PLS1: variants seen among roughly 807,000 people sequenced by gnomAD.
PLS1 encodes plastin 1.
A neutral mutation model predicts 73.7 loss-of-function variants in PLS1; 32 were observed. The observed-to-expected ratio is 0.43, with a 90% confidence interval of 0.33 to 0.58. PLS1 has a LOEUF of 0.58. PLS1 is among the 20% of genes least tolerant of loss of function. The pLI is 0.04. For synonymous variants in PLS1, 217 were observed against 261.3 expected, an observed-to-expected ratio of 0.83 and a Z score of 1.63; for missense variants, 633 against 740.5, an observed-to-expected ratio of 0.85 and a Z score of 1.68.
chr3:142,614,582 C>T (rs1288983381), intron 1 of PLS1, among the ~76,000 whole-genome samples: 1 of 152,130 alleles, frequency 6.6e-6, no homozygotes, highest in Non-Finnish European at 1.5e-5. Flanking sequence ...TATATATTTG[C>T]TCCAAAATTA....
intron 12 of PLS1, among the ~76,000 whole-genome samples, chr3:142,700,516 G>A (rs2038308546): frequency 6.6e-6 from 1 of 152,024 alleles, no homozygotes; most frequent in Non-Finnish European, 1.5e-5. Context: ...GTACAGACGG[G>A]GTTTCACCGT....
intron 14 of PLS1, among the ~76,000 whole-genome samples, chr3:142,709,681 G>C (rs1933022332): frequency 6.6e-6 from 1 of 152,010 alleles, no homozygotes; most frequent in Non-Finnish European, 1.5e-5. Context: ...GCCGGGTGTG[G>C]TGGCCGGCGC....
At chr3:142,600,026 G>T (rs921224148) in intron 1 of PLS1, among the ~76,000 whole-genome samples, 2 of 152,216 alleles carry the variant, frequency 1.3e-5, no homozygotes, top group Middle Eastern at 3.4e-3. Context: ...AGGATTACAG[G>T]CCTGAGCCAC....
intron 1 of PLS1, among the ~76,000 whole-genome samples, chr3:142,603,738 T>G (rs1326945554): frequency 6.6e-6 from 1 of 150,918 alleles, no homozygotes; most frequent in Non-Finnish European, 1.5e-5. Context: ...CCACTGCACT[T>G]TAGCCTGGGT....
At chr3:142,630,436 AAAAAC>A (rs1486460007) in intron 1 of PLS1, among the ~76,000 whole-genome samples, 2 of 150,386 alleles carry the variant, frequency 1.3e-5, no homozygotes, top group Admixed American at 6.6e-5. Context: ...AAAAAAAAAA[AAAAAC>A]AAACAAAACA....
rs117289503 is a variant in PLS1, at chr3:142,707,638, A to G, written c.1629+3052A>G. Reference sequence around the variant, plus strand: ...CCCTGGGTTGACTTTTGGCTGAGCTACTGATTAGCTGTGTAGCATACTGCT... The same window carrying G: ...CCCTGGGTTGACTTTTGGCTGAGCTGCTGATTAGCTGTGTAGCATACTGCT... On this transcript the variant is annotated intron_variant, in intron 14 of 15. Coordinates refer to ENST00000457734, the MANE Select transcript of PLS1 (RefSeq NM_001145319.2). Among the ~76,000 whole-genome samples the G allele has an allele frequency of 1.2e-3, 184 of 152,336 alleles. 4 individuals carry two copies. In the South Asian group the frequency reaches 0.026, roughly 21 times the overall value.
At chr3:142,696,363 T>G (rs2038202397) in intron 11 of PLS1, among the ~76,000 whole-genome samples, 1 of 152,198 alleles carries the variant, frequency 6.6e-6, no homozygotes, top group Non-Finnish European at 1.5e-5. Context: ...ATAGTATTTT[T>G]TCTTGCAAAA....
chr3:142,660,538 G>A (rs963227199), intron 1 of PLS1, among the ~76,000 whole-genome samples: 1 of 152,222 alleles, frequency 6.6e-6, no homozygotes, highest in South Asian at 2.1e-4. Flanking sequence ...GTAATCGTAT[G>A]GCTGAACGTG....
Position 142,678,133 on chromosome 3 carries a change from T to G in PLS1, c.579+20T>G, listed in dbSNP as rs944998531. 3.2e-6 allele frequency: 4 copies of G among 1,238,378 alleles called. No individual in the cohort carries two copies. In the African/African-American group the frequency reaches 4.7e-5, roughly 15 times the overall value. The allele number at this position is 1,238,378 out of a possible 1,614,324, so 76.7% of individuals were successfully genotyped here. A position where few individuals can be genotyped will look rare whatever the true frequency, so the allele number is the denominator to read the frequency against. ...ATTTCTGTAAGTATTTGCCCTTTGC[T>G]TATTATCATGTTACTATGCTGAGAA... On this transcript the variant is annotated intron_variant, in intron 6 of 15. Transcript: ENST00000457734.
chr3:142,638,010 C>A (rs1482173510), intron 1 of PLS1, among the ~76,000 whole-genome samples: 1 of 152,104 alleles, frequency 6.6e-6, no homozygotes, highest in Non-Finnish European at 1.5e-5. Flanking sequence ...AGTTGCAATC[C>A]GTGTGTGAGA....
At chr3:142,703,249 A>G (rs899362094) in intron 12 of PLS1, among the ~76,000 whole-genome samples, 3 of 151,756 alleles carry the variant, frequency 2.0e-5, no homozygotes, top group South Asian at 2.1e-4. Flanking sequence ...TTAGGCACAC[A>G]TGTGCCATTA....
At chr3:142,704,920 A>C (rs1220275137) in intron 14 of PLS1, among the ~76,000 whole-genome samples, 2 of 151,360 alleles carry the variant, frequency 1.3e-5, no homozygotes, top group African/African-American at 4.9e-5. Flanking sequence ...AGCCTCCCAA[A>C]GTGTTGGGAT....
intron 1 of PLS1, among the ~76,000 whole-genome samples, chr3:142,609,257 A>G (rs1366741894): frequency 2.0e-5 from 3 of 152,244 alleles, no homozygotes; most frequent in African/African-American, 4.8e-5. Context: ...ATTAACTGTG[A>G]CATCTCCATT....
chr3:142,598,287 A>C (rs1481878825), intron 1 of PLS1, among the ~76,000 whole-genome samples: 1 of 152,164 alleles, frequency 6.6e-6, no homozygotes, highest in Non-Finnish European at 1.5e-5. Context: ...CATCCCACCC[A>C]GCACTAAGCA....
chr3:142,608,888 A>G (rs533824950), intron 1 of PLS1, among the ~76,000 whole-genome samples: 119 of 152,336 alleles, frequency 7.8e-4, no homozygotes, highest in Middle Eastern at 3.4e-3. Flanking sequence ...GCAATGAGCT[A>G]TGTGGGAGAA....
chr3:142,634,168 G>T (rs534601628), intron 1 of PLS1, among the ~76,000 whole-genome samples: 1 of 152,248 alleles, frequency 6.6e-6, no homozygotes, highest in Admixed American at 6.5e-5. Flanking sequence ...ACTTAAAATA[G>T]CAGTAATTTG....
intron 1 of PLS1, among the ~76,000 whole-genome samples, chr3:142,648,751 T>C (rs2037014258): frequency 6.6e-6 from 1 of 152,222 alleles, no homozygotes; most frequent in African/African-American, 2.4e-5. Flanking sequence ...GAGTTTTTAA[T>C]TTCTTCAGCT....
chr3:142,666,179 A>G (rs1310777812), intron 2 of PLS1, among the ~76,000 whole-genome samples: 1 of 152,202 alleles, frequency 6.6e-6, no homozygotes, highest in East Asian at 1.9e-4. Context: ...GGTAAAATAT[A>G]CATAACAGAA....
At chr3:142,640,009 C>T (rs1313164088) in intron 1 of PLS1, among the ~76,000 whole-genome samples, 1 of 152,100 alleles carries the variant, frequency 6.6e-6, no homozygotes, top group Non-Finnish European at 1.5e-5. Context: ...GCAGACTGCT[C>T]ATTGGAAAAT....
Sources: allele counts gnomAD v4.1 joint callset (sites outside exome capture counted in the v4.1 genomes callset), GRCh38; gene constraint gnomAD v4.1.1; transcripts MANE v1.5; gene names NCBI Gene and HGNC (gene_info 2026-07-23, HGNC 2026-07-21).